COL11A1: variants seen among roughly 807,000 people sequenced by gnomAD.
The protein encoded by COL11A1 is collagen alpha-1(XI) chain.
A neutral mutation model predicts 265.2 loss-of-function variants in COL11A1; 74 were observed. That is an observed-to-expected ratio of 0.28 (90% CI 0.23 to 0.34). The LOEUF (loss-of-function observed/expected upper bound fraction) is 0.34. COL11A1 is among the 10% of genes least tolerant of loss of function. The pLI, the probability that COL11A1 is intolerant of heterozygous loss-of-function variation, is 1.00. For synonymous variants in COL11A1, 816 were observed against 727.6 expected (o/e 1.12, Z -1.96); for missense variants, 2,165 against 2,263.6 (o/e 0.96, Z 0.88).
intron 5 of COL11A1, among the ~76,000 whole-genome samples, chr1:103,026,538 A>G (rs571816114): frequency 6.6e-6 from 1 of 152,346 alleles, no homozygotes; most frequent in East Asian, 1.9e-4. Flanking sequence ...CACATTTCCT[A>G]TGAGCAGAAT....
intron 14 of COL11A1, 89 bp downstream of exon 14, chr1:103,012,324 A>G: frequency 1.1e-6 from 1 of 937,070 alleles, no homozygotes; most frequent in Non-Finnish European, 1.7e-6. Context: ...GTCACCAACC[A>G]TAGATATGCA....
At chr1:103,094,064 T>C (rs1193790255) in intron 1 of COL11A1, among the ~76,000 whole-genome samples, 2 of 152,044 alleles carry the variant, frequency 1.3e-5, no homozygotes, top group Non-Finnish European at 2.9e-5. Context: ...CCATATGTTA[T>C]CCATGGCTTC....
chr1:103,033,444 A>G (rs1256576863), intron 4 of COL11A1, among the ~76,000 whole-genome samples: 1 of 151,894 alleles, frequency 6.6e-6, no homozygotes, highest in Non-Finnish European at 1.5e-5. Flanking sequence ...CTTTATTACA[A>G]CCTTTTTCAA....
chr1:102,979,226 G>A, intron 32 of COL11A1, 122 bp from the exon 33 acceptor site: 1 of 1,266,158 alleles, frequency 7.9e-7, no homozygotes, highest in Non-Finnish European at 1.1e-6. Context: ...TTCATTTAGA[G>A]ACAGACTTGC....
chr1:103,076,129 G>T (rs1401568331), intron 3 of COL11A1, among the ~76,000 whole-genome samples: 1 of 151,976 alleles, frequency 6.6e-6, no homozygotes, highest in African/African-American at 2.4e-5. Flanking sequence ...CATAATCATG[G>T]TGTCATATAT....
intron 4 of COL11A1, among the ~76,000 whole-genome samples, chr1:103,060,415 C>G (rs903358003): frequency 7.2e-5 from 11 of 151,932 alleles, no homozygotes; most frequent in Non-Finnish European, 1.2e-4. Context: ...ATAAACTATT[C>G]AGAGAATGAA....
chr1:102,943,789 C>T (rs1304344895), intron 42 of COL11A1, among the ~76,000 whole-genome samples: 1 of 151,384 alleles, frequency 6.6e-6, no homozygotes, highest in Non-Finnish European at 1.5e-5. Flanking sequence ...ATAGTTAGTG[C>T]ATTGACTTCA....
intron 1 of COL11A1, among the ~76,000 whole-genome samples, chr1:103,086,451 C>G (rs543821820): frequency 2.6e-5 from 4 of 152,260 alleles, no homozygotes; most frequent in Non-Finnish European, 4.4e-5. Context: ...GAGTCTTGCT[C>G]TGTTGCCCAG....
At chr1:103,089,903 A>T (rs1009916693) in intron 1 of COL11A1, among the ~76,000 whole-genome samples, 1 of 152,212 alleles carries the variant, frequency 6.6e-6, no homozygotes, top group Non-Finnish European at 1.5e-5. Context: ...AGGTGGGTGG[A>T]TCACGAGGTC....
intron 57 of COL11A1, among the ~76,000 whole-genome samples, chr1:102,896,237 C>T (rs1342753544): frequency 2.0e-5 from 3 of 150,722 alleles, no homozygotes; most frequent in Admixed American, 1.3e-4. Flanking sequence ...GGTAATGTTC[C>T]TAAAGTCATC....
At chr1:102,962,296 G>C (rs374238379) in intron 39 of COL11A1, 31 bp from the exon 40 acceptor site, 1 of 1,514,628 alleles carries the variant, frequency 6.6e-7, no homozygotes, top group Middle Eastern at 1.7e-4. Context: ...CGTCAAGACA[G>C]ATTAATTTCT....
chr1:102,981,064 A>G (rs12124588), intron 31 of COL11A1, among the ~76,000 whole-genome samples: 20,505 of 152,132 alleles, frequency 0.13, 1,521 homozygotes, highest in Middle Eastern at 0.19. Context: ...AAGCAGGTCA[A>G]TAAAATTGTA....
rs767866438 is a variant in COL11A1, at chr1:102,979,060, C to T, written c.2655G>A (p.Thr885=). 3.1e-6 allele frequency: 5 copies of T among 1,613,952 alleles called. No individual in the cohort carries two copies. The highest frequency in any genetic ancestry group is 1.6e-4 in the Middle Eastern group (1 of 6,082). The change falls in exon 33 of 67, where the codon ACG becomes ACA. Residue 885 remains threonine, a splice_region_variant and synonymous_variant. Coordinates refer to ENST00000370096, the MANE Select transcript of COL11A1 (RefSeq NM_001854.4). ...KPGPRGQRGP[T]GPRGSRGARG... is the part of the protein sequence containing the mutation. ...CATCATTTTAAATCAAGGCACCTAC[C>T]GTTGGACCACGCTGACCCCGAGGGC... is the stretch of plus-strand genomic sequence containing the variant.
At chr1:102,952,788 A>G (rs952456141) in intron 41 of COL11A1, among the ~76,000 whole-genome samples, 2 of 152,244 alleles carry the variant, frequency 1.3e-5, no homozygotes, top group Admixed American at 1.3e-4. Flanking sequence ...TAAGCAAATG[A>G]CATAGCAAAC....
chr1:103,029,990 A>C (rs1243547702), intron 5 of COL11A1, among the ~76,000 whole-genome samples: 1 of 152,078 alleles, frequency 6.6e-6, no homozygotes, highest in Non-Finnish European at 1.5e-5. Context: ...CAACCTTGAA[A>C]ATATACAGTA....
chr1:102,954,005 G>C (rs560185892), intron 41 of COL11A1, among the ~76,000 whole-genome samples: 1 of 152,128 alleles, frequency 6.6e-6, no homozygotes, highest in Non-Finnish European at 1.5e-5. Flanking sequence ...TTAATTTCAT[G>C]AATTACAATG....
At chr1:103,015,366 A>G (rs1666478834) in intron 12 of COL11A1, among the ~76,000 whole-genome samples, 1 of 151,974 alleles carries the variant, frequency 6.6e-6, no homozygotes, top group South Asian at 2.1e-4. Context: ...ATGTTATGTT[A>G]AATAACATAT....
chr1:102,976,268 A>T (rs1338283674), intron 35 of COL11A1, among the ~76,000 whole-genome samples: 1 of 138,334 alleles, frequency 7.2e-6, no homozygotes. Context: ...AGTCTTTATA[A>T]AATTTCACAG....
chr1:103,044,120 T>C (rs1216064433), intron 4 of COL11A1, among the ~76,000 whole-genome samples: 1 of 151,652 alleles, frequency 6.6e-6, no homozygotes, highest in Non-Finnish European at 1.5e-5. Flanking sequence ...CTATGCTTCC[T>C]GTCTACTTAG....
Sources: gnomAD v4.1 joint callset for allele counts (sites outside exome capture counted in the v4.1 genomes callset) on GRCh38, gnomAD v4.1.1 for gene constraint, MANE v1.5 for transcripts, NCBI Gene and HGNC (gene_info 2026-07-23, HGNC 2026-07-21) for gene names.